ZNF175: variants seen among roughly 807,000 people sequenced by gnomAD.
ZNF175 encodes zinc finger protein 175.
Under a neutral mutation model 14.0 loss-of-function variants are expected in ZNF175, and 8 were observed. That is an observed-to-expected ratio of 0.57 (90% CI 0.34 to 1.03). ZNF175 has a LOEUF of 1.03. ZNF175 is among the 50% of genes least tolerant of loss of function. The pLI is 0.03. For synonymous variants in ZNF175, 255 were observed against 296.8 expected, an observed-to-expected ratio of 0.86 and a Z score of 1.45; for missense variants, 764 against 849.5, an observed-to-expected ratio of 0.90 and a Z score of 1.25.
intron 2 of ZNF175, among the ~76,000 whole-genome samples, chr19:51,574,789 G>A (rs1468563520): frequency 1.3e-5 from 2 of 152,214 alleles, no homozygotes; most frequent in East Asian, 3.8e-4. Context: ...ACATCTTCAA[G>A]TTTAGCGTTT....
At chr19:51,584,919 A>T (rs1352105301) in intron 4 of ZNF175, among the ~76,000 whole-genome samples, 1 of 152,182 alleles carries the variant, frequency 6.6e-6, no homozygotes, top group Non-Finnish European at 1.5e-5. Context: ...GGAAAACAGG[A>T]TGATGATTTC....
chr19:51,572,844 A>G (rs1400595376), intron 1 of ZNF175, among the ~76,000 whole-genome samples: 1 of 152,204 alleles, frequency 6.6e-6, no homozygotes. Context: ...GGCACTGAGG[A>G]CTTGACAAGC....
rs1247856954 is a variant in ZNF175, at chr19:51,590,931, T to C, written c.*2464T>C. ...GTGTTAAAAACTTGAGCCCACAGTGTAGACACACTGGTTCCAAAGACCCCT... is the reference window on the plus strand; with the variant it reads ...GTGTTAAAAACTTGAGCCCACAGTGCAGACACACTGGTTCCAAAGACCCCT... On this transcript the variant is annotated 3_prime_UTR_variant, in exon 5 of 5. Coordinates refer to ENST00000262259, the MANE Select transcript of ZNF175 (RefSeq NM_007147.4). 1 of 152,196 alleles carries C rather than the reference T, an allele frequency of 6.6e-6. No homozygotes were observed. Among genetic ancestry groups the C allele is most frequent in the East Asian group, 1.9e-4 (1 of 5,182 alleles). 9.4% of individuals were successfully genotyped at this position (152,196 alleles called of 1,614,324 possible).
intron 2 of ZNF175, among the ~76,000 whole-genome samples, chr19:51,580,557 C>T (rs997214956): frequency 7.2e-5 from 11 of 152,182 alleles, no homozygotes; most frequent in African/African-American, 2.2e-4. Context: ...CAGGAGAGAT[C>T]ATCTTGTTGA....
In ZNF175 at chr19:51,573,181, C is replaced by G. The variant is rs1981648949; in HGVS notation, c.-149C>G. On this transcript the variant is annotated 5_prime_UTR_variant, in exon 2 of 5. It adds an upstream start codon to the 5' untranslated region. Coordinates refer to ENST00000262259, the MANE Select transcript of ZNF175 (RefSeq NM_007147.4). Reference sequence around the variant, plus strand: ...GCAGAACCCCCAGGTCAGGCCACATCATTGAGGCTGCAGGATCTCTCTTCA... The same window carrying G: ...GCAGAACCCCCAGGTCAGGCCACATGATTGAGGCTGCAGGATCTCTCTTCA... The G allele has an allele frequency of 2.6e-6, 2 of 757,688 alleles. No individual in the cohort carries two copies. Among genetic ancestry groups the G allele is most frequent in the Non-Finnish European group, 4.6e-6 (2 of 435,236 alleles). The allele number at this position is 757,688 out of a possible 1,614,324, so 46.9% of individuals were successfully genotyped here.
chr19:51,572,345 A>G (rs1246948265), intron 1 of ZNF175, among the ~76,000 whole-genome samples: 1 of 152,172 alleles, frequency 6.6e-6, no homozygotes, highest in African/African-American at 2.4e-5. Flanking sequence ...GGTGGGGGCA[A>G]CTTATTGTGG....
chr19:51,587,283 C>T lies in ZNF175; in HGVS notation c.952C>T (p.Pro318Ser). ...ECGKCGKAFMPQLKLSVYLTD... is the reference protein window; with the variant it reads ...ECGKCGKAFMSQLKLSVYLTD... ...TGGCAAATGTGGAAAAGCCTTCATGCCACAACTAAAACTCAGTGTATATCT... is the reference window on the plus strand; with the variant it reads ...TGGCAAATGTGGAAAAGCCTTCATGTCACAACTAAAACTCAGTGTATATCT... The change falls in exon 5 of 5, where the codon CCA (proline) becomes TCA (serine). Residue 318 changes from proline (P) to serine (S), a missense_variant. Transcript: ENST00000262259. 6.2e-7 allele frequency: 1 copy of T among 1,614,128 alleles called. No homozygotes were observed. The highest frequency in any genetic ancestry group is 1.7e-5 in the Admixed American group (1 of 60,018).
Position 51,586,896 on chromosome 19 carries a change from G to C in ZNF175, c.565G>C (p.Ala189Pro). 1 of 1,614,138 alleles carries C rather than the reference G, an allele frequency of 6.2e-7. No individual in the cohort carries two copies. ...AATGATTCGCACGAGGCCCCACCTT[G>C]CTTCTTCACAGAAACAACCTCAGAA... ...GKMIRTRPHL[A>P]SSQKQPQKCC... The change falls in exon 5 of 5, where the codon GCT (alanine) becomes CCT (proline). Residue 189 changes from alanine to proline, a missense_variant. By Grantham distance (27) the Ala-to-Pro change is conservative. Coordinates refer to ENST00000262259, the MANE Select transcript of ZNF175 (RefSeq NM_007147.4).
At chr19:51,579,717 G>C (rs1457746268) in intron 2 of ZNF175, among the ~76,000 whole-genome samples, 1 of 152,154 alleles carries the variant, frequency 6.6e-6, no homozygotes, top group Non-Finnish European at 1.5e-5. Flanking sequence ...CTAAAGGCGA[G>C]CATGTTTTTC....
chr19:51,588,547 T>G lies in ZNF175; in HGVS notation c.*80T>G. 1 of 1,435,082 alleles carries G rather than the reference T, an allele frequency of 7.0e-7. No individual in the cohort carries two copies. The highest frequency in any genetic ancestry group is 9.2e-7 in the Non-Finnish European group (1 of 1,082,642). The allele number at this position is 1,435,082 out of a possible 1,614,324, so 88.9% of individuals were successfully genotyped here. On this transcript the variant is annotated 3_prime_UTR_variant, in exon 5 of 5. Coordinates refer to ENST00000262259, the MANE Select transcript of ZNF175 (RefSeq NM_007147.4). ...AAGAGAAAATCTTCTCAGAATCAGG[T>G]CTAATTATATGTTATTGAATTCATG...
chr19:51,575,208 G>GTTTTTTTTTTTTTTTTTTTTTTTT (rs1491081799), intron 2 of ZNF175, among the ~76,000 whole-genome samples: 1 of 99,202 alleles, frequency 1.0e-5, no homozygotes, highest in Non-Finnish European at 1.9e-5. Context: ...TTTTTAGAGA[G>GTTTTTTTTTTTTTTTTTTTTTTTT]GTTTTTTTTT....
chr19:51,576,842 G>A (rs1551159), intron 2 of ZNF175, among the ~76,000 whole-genome samples: 22,286 of 152,000 alleles, frequency 0.15, 1,928 homozygotes, highest in Middle Eastern at 0.27. Flanking sequence ...CTCTCATTTC[G>A]TGAAAGTGCA....
chr19:51,580,992 G>A (rs1368022326), intron 2 of ZNF175, among the ~76,000 whole-genome samples: 1 of 152,072 alleles, frequency 6.6e-6, no homozygotes, highest in Non-Finnish European at 1.5e-5. Context: ...TTGAGCTTTT[G>A]TATTTACATG....
At chr19:51,583,062 T>C (rs948974147) in intron 4 of ZNF175, among the ~76,000 whole-genome samples, 4 of 151,872 alleles carry the variant, frequency 2.6e-5, no homozygotes, top group Non-Finnish European at 5.9e-5. Flanking sequence ...TCCTTGTTGG[T>C]CAGGCTGGTC....
At chr19:51,575,774 C>G (rs868650610) in intron 2 of ZNF175, among the ~76,000 whole-genome samples, 1 of 152,100 alleles carries the variant, frequency 6.6e-6, no homozygotes, top group Non-Finnish European at 1.5e-5. Context: ...TTAATTAACA[C>G]GTTAATTAAT....
chr19:51,582,140 T>C (rs1982027144), intron 4 of ZNF175, among the ~76,000 whole-genome samples: 1 of 152,192 alleles, frequency 6.6e-6, no homozygotes, highest in South Asian at 2.1e-4. Context: ...AAATCAACCA[T>C]ATTGCTCTTC....
In ZNF175 at chr19:51,587,527, G is replaced by C. The variant is rs1381490687; in HGVS notation, c.1196G>C (p.Gly399Ala). The change falls in exon 5 of 5, where the codon GGC becomes GCC. Residue 399 changes from glycine to alanine, a missense_variant. Transcript: ENST00000262259. ...KLYECSECGK[G>A]FSQNSTLIIH... ...TATGAATGCAGTGAATGTGGCAAAG[G>C]CTTCTCCCAAAACTCAACCCTCATT... 6.2e-7 allele frequency: 1 copy of C among 1,613,842 alleles called. No homozygotes were observed. The highest frequency in any genetic ancestry group is 8.5e-7 in the Non-Finnish European group (1 of 1,179,998).
chr19:51,575,208 G>GTTTTTTTTTTTTTTTTTTTTTT (rs1491081799), intron 2 of ZNF175, among the ~76,000 whole-genome samples: 3 of 99,202 alleles, frequency 3.0e-5, no homozygotes, highest in African/African-American at 3.9e-5. Context: ...TTTTTAGAGA[G>GTTTTTTTTTTTTTTTTTTTTTT]GTTTTTTTTT....
At chr19:51,578,158 G>A (rs1390804623) in intron 2 of ZNF175, among the ~76,000 whole-genome samples, 5 of 151,880 alleles carry the variant, frequency 3.3e-5, no homozygotes, top group African/African-American at 4.8e-5. Flanking sequence ...CAGCACTTTG[G>A]GAGGCCGAGG....
Sources: gnomAD v4.1 joint callset for allele counts (sites outside exome capture counted in the v4.1 genomes callset) on GRCh38, gnomAD v4.1.1 for gene constraint, MANE v1.5 for transcripts, NCBI Gene and HGNC (gene_info 2026-07-23, HGNC 2026-07-21) for gene names.